The following CDH12 variants were observed in gnomAD, a reference collection of about 807,000 sequenced individuals.
CDH12 encodes the protein cadherin 12, also known as cadherin-12.
CDH12 carries 41 observed loss-of-function variants against 74.1 expected under a neutral mutation model. The observed-to-expected ratio is 0.55, with a 90% CI of 0.43 to 0.72. The LOEUF (loss-of-function observed/expected upper bound fraction) is 0.72. CDH12 is among the 30% of genes least tolerant of loss of function. The pLI is 0.00. For missense variants in CDH12, 945 were observed against 977.2 expected, an observed-to-expected ratio of 0.97 and a Z score of 0.44; for synonymous variants, 399 against 355.0, an observed-to-expected ratio of 1.12 and a Z score of -1.39.
intron 1 of CDH12, among the ~76,000 whole-genome samples, chr5:22,768,961 A>G (rs1746664806): frequency 1.3e-5 from 2 of 152,130 alleles, no homozygotes; most frequent in African/African-American, 4.8e-5. Context: ...CTCGCTAAAG[A>G]ATTATATCCT....
chr5:22,759,354 T>C (rs1329265745), intron 1 of CDH12, among the ~76,000 whole-genome samples: 3 of 152,218 alleles, frequency 2.0e-5, no homozygotes, highest in Non-Finnish European at 2.9e-5. Context: ...CCTGTCCTTA[T>C]GCTAAACAAT....
chr5:21,868,092 C>A (rs999682124), intron 6 of CDH12, among the ~76,000 whole-genome samples: 5 of 147,442 alleles, frequency 3.4e-5, no homozygotes, highest in African/African-American at 1.3e-4. Flanking sequence ...GGAGACATGC[C>A]TTTCACCGTC....
chr5:22,563,221 T>C (rs980953079), intron 1 of CDH12, among the ~76,000 whole-genome samples: 1 of 151,876 alleles, frequency 6.6e-6, no homozygotes, highest in Admixed American at 6.6e-5. Context: ...ATGTATTCTC[T>C]CACATCCTAG....
intron 1 of CDH12, among the ~76,000 whole-genome samples, chr5:22,635,675 G>T (rs949480363): frequency 2.6e-5 from 4 of 152,156 alleles, no homozygotes; most frequent in Non-Finnish European, 5.9e-5. Flanking sequence ...CAGCACTTTA[G>T]GAGGCTGAGG....
At chr5:22,456,110 TA>T (rs1745257513) in intron 2 of CDH12, among the ~76,000 whole-genome samples, 11 of 1,020 alleles carry the variant, frequency 0.011, no homozygotes, top group African/African-American at 0.065. Flanking sequence ...GTGGATATTA[TA>T]TATATATATA....
At chr5:22,808,884 G>T (rs1218080967) in intron 1 of CDH12, among the ~76,000 whole-genome samples, 2 of 151,122 alleles carry the variant, frequency 1.3e-5, no homozygotes, top group African/African-American at 4.9e-5. Flanking sequence ...TGGGATTACA[G>T]GGGTGTGCCA....
chr5:22,458,898 G>T (rs1745396021), intron 2 of CDH12, among the ~76,000 whole-genome samples: 1 of 151,810 alleles, frequency 6.6e-6, no homozygotes, highest in Non-Finnish European at 1.5e-5. Flanking sequence ...TTGGGGTTTT[G>T]TTTTGGGTTT....
chr5:22,676,467 A>G (rs528784915), intron 1 of CDH12, among the ~76,000 whole-genome samples: 3 of 152,236 alleles, frequency 2.0e-5, no homozygotes, highest in Admixed American at 6.5e-5. Context: ...CTTAACATCT[A>G]TTACCTGAGC....
At position 22,440,011 on chromosome 5, in the gene CDH12, A is replaced by T. The variant is rs944874391; in HGVS notation, c.-427-34660T>A. On this transcript the variant is annotated intron_variant, in intron 2 of 14. Transcript: ENST00000382254. ...AATAATTTTTACTATCCTCATTACT[A>T]CAACACTGATGAGTGTCAAGTGTCT... Among the ~76,000 whole-genome samples, 9 of 152,194 alleles carry T rather than the reference A, an allele frequency of 5.9e-5. No individual in the cohort carries two copies. In the East Asian group the frequency reaches 1.5e-3, roughly 26 times the overall value.
intron 3 of CDH12, among the ~76,000 whole-genome samples, chr5:22,339,830 G>T (rs995122703): frequency 6.6e-6 from 1 of 152,114 alleles, no homozygotes; most frequent in Non-Finnish European, 1.5e-5. Context: ...TTAAAATAAA[G>T]AGCAGAAAAG....
chr5:22,788,427 A>G (rs954629520), intron 1 of CDH12, among the ~76,000 whole-genome samples: 1 of 151,658 alleles, frequency 6.6e-6, no homozygotes, highest in Non-Finnish European at 1.5e-5. Flanking sequence ...AGACGAAGGA[A>G]AAGAGGTGAA....
In CDH12 at chr5:22,368,453, C is replaced by T. The variant is rs953654226; in HGVS notation, c.-333+36804G>A. Among the ~76,000 whole-genome samples the T allele has an allele frequency of 5.6e-5, 8 of 143,918 alleles. No homozygotes were observed. In the East Asian group the frequency reaches 1.7e-3, roughly 30 times the overall value. The allele number at this position is 143,918 out of a possible 152,430, so 94.4% of individuals were successfully genotyped here. On this transcript the variant is annotated intron_variant, in intron 3 of 14. Coordinates refer to ENST00000382254, the MANE Select transcript of CDH12 (RefSeq NM_004061.5). Reference sequence around the variant, plus strand: ...TGCTGGGACTACAAGGAGTCTACCACCAAGTCTGGCTAATTTTTTTTTTTT... The same window carrying T: ...TGCTGGGACTACAAGGAGTCTACCATCAAGTCTGGCTAATTTTTTTTTTTT...
intron 6 of CDH12, among the ~76,000 whole-genome samples, chr5:21,860,406 G>T (rs1223930384): frequency 6.6e-6 from 1 of 150,874 alleles, no homozygotes. Flanking sequence ...ATGACTTCAG[G>T]AGTTGTGTAT....
At chr5:22,666,307 T>TTTTTTTTTTTTTTTTTG (rs1740617558) in intron 1 of CDH12, among the ~76,000 whole-genome samples, 1 of 144,468 alleles carries the variant, frequency 6.9e-6, no homozygotes, top group Non-Finnish European at 1.5e-5. Flanking sequence ...TTTTTGTTTT[T>TTTTTTTTTTTTTTTTTG]GAGACGGAGT....
At chr5:22,613,374 A>C (rs950725997) in intron 1 of CDH12, among the ~76,000 whole-genome samples, 1 of 152,114 alleles carries the variant, frequency 6.6e-6, no homozygotes, top group Non-Finnish European at 1.5e-5. Flanking sequence ...ATGTACAGAA[A>C]TATACGTAAA....
intron 1 of CDH12, among the ~76,000 whole-genome samples, chr5:22,792,639 T>G (rs1039420376): frequency 1.3e-5 from 2 of 152,146 alleles, no homozygotes; most frequent in African/African-American, 4.8e-5. Flanking sequence ...AGATAAAATC[T>G]GGGTAAAAAT....
rs1178838335 is a variant in CDH12 at position 22,834,666 on chromosome 5, A to G, written c.-523+18392T>C. On this transcript the variant is annotated intron_variant, in intron 1 of 14. Transcript: ENST00000382254. ...AGCCAATTAATTTATTACTAATATT[A>G]AGGGGCATGTACTTAGAAATGTACT... Among the ~76,000 whole-genome samples the G allele has an allele frequency of 2.6e-5, 4 of 152,290 alleles. No homozygotes were observed. In the East Asian group the frequency reaches 7.7e-4, roughly 29 times the overall value.
chr5:22,352,098 A>G (rs533482896), intron 3 of CDH12, among the ~76,000 whole-genome samples: 8 of 151,782 alleles, frequency 5.3e-5, no homozygotes, highest in Non-Finnish European at 1.2e-4. Context: ...AAGCTCTATT[A>G]AGTGTTTGGA....
intron 6 of CDH12, among the ~76,000 whole-genome samples, chr5:21,903,646 A>G (rs1297453632): frequency 6.6e-6 from 1 of 152,148 alleles, no homozygotes; most frequent in East Asian, 1.9e-4. Flanking sequence ...TTTGGTGCCT[A>G]GAACTCCAAC....
Sources: allele counts gnomAD v4.1 joint callset (sites outside exome capture counted in the v4.1 genomes callset), GRCh38; gene constraint gnomAD v4.1.1; transcripts MANE v1.5; gene names NCBI Gene and HGNC (gene_info 2026-07-23, HGNC 2026-07-21).